The following CMSS1 variants were observed in gnomAD, a reference collection of about 807,000 sequenced individuals.
CMSS1 encodes the protein protein CMSS1.
In CMSS1, 33 loss-of-function variants were observed where a neutral mutation model predicts 43.5. The ratio of observed to expected loss-of-function variants is 0.76; its 90% CI spans 0.57 to 1.01. The LOEUF is 1.01. Ranked by LOEUF, CMSS1 falls within the 50% of genes least tolerant of loss-of-function variation. CMSS1 has a pLI of 0.00. For synonymous variants in CMSS1, 115 were observed against 117.2 expected (o/e 0.98, Z 0.12); for missense variants, 313 against 326.4 (o/e 0.96, Z 0.32).
intron 1 of CMSS1, among the ~76,000 whole-genome samples, chr3:99,998,591 G>C (rs1383173779): frequency 2.0e-5 from 3 of 152,146 alleles, no homozygotes; most frequent in Admixed American, 1.3e-4. Context: ...TCAAAACTTA[G>C]TCTTTCCAGC....
intron 1 of CMSS1, among the ~76,000 whole-genome samples, chr3:100,096,450 T>C (rs2066209991): frequency 6.6e-6 from 1 of 152,204 alleles, no homozygotes; most frequent in African/African-American, 2.4e-5. Flanking sequence ...TGAGATCCTG[T>C]CATTTACAAC....
At chr3:100,111,678 A>G (rs958789550) in intron 1 of CMSS1, among the ~76,000 whole-genome samples, 29 of 152,300 alleles carry the variant, frequency 1.9e-4, no homozygotes, top group Non-Finnish European at 2.2e-4. Flanking sequence ...CTAGACTTCT[A>G]AGAGGCTATA....
chr3:100,167,727 C>CT lies in CMSS1; in HGVS notation c.416-5dup. ...ATATTTCAAATAATTGTTTTCTGTT[C>CT]TTTTTTCCAGTTTGTCCTAAGTGGG... On this transcript the variant is annotated splice_polypyrimidine_tract_variant and intron_variant, in intron 5 of 9. Transcript: ENST00000421999. The CT allele has an allele frequency of 6.3e-7, 1 of 1,582,612 alleles. No homozygotes were observed. Among genetic ancestry groups the CT allele is most frequent in the Non-Finnish European group, 8.6e-7 (1 of 1,158,020 alleles).
At chr3:100,004,731 G>T (rs1474893119) in intron 1 of CMSS1, among the ~76,000 whole-genome samples, 1 of 152,152 alleles carries the variant, frequency 6.6e-6, no homozygotes, top group Non-Finnish European at 1.5e-5. Flanking sequence ...ATACCTAAAA[G>T]GTAGGATTGG....
chr3:99,960,610 T>C (rs900180533), intron 1 of CMSS1, among the ~76,000 whole-genome samples: 2 of 152,196 alleles, frequency 1.3e-5, no homozygotes, highest in Non-Finnish European at 2.9e-5. Context: ...CTACAGTCTT[T>C]TTACCTGCTT....
At chr3:99,968,510 G>C (rs1019920652) in intron 1 of CMSS1, among the ~76,000 whole-genome samples, 21 of 152,068 alleles carry the variant, frequency 1.4e-4, no homozygotes, top group Admixed American at 8.5e-4. Context: ...CATGGAAGGT[G>C]ATGGGAGGTA....
At chr3:99,879,099 A>T (rs1296645155) in intron 1 of CMSS1, among the ~76,000 whole-genome samples, 1 of 152,208 alleles carries the variant, frequency 6.6e-6, no homozygotes, top group Non-Finnish European at 1.5e-5. Flanking sequence ...AAATAAGCAT[A>T]CCTAGACACC....
At chr3:100,001,842 T>C (rs777046717) in intron 1 of CMSS1, among the ~76,000 whole-genome samples, 1 of 152,234 alleles carries the variant, frequency 6.6e-6, no homozygotes, top group Non-Finnish European at 1.5e-5. Context: ...TGTTGAATGC[T>C]GCACCAGGTG....
chr3:99,948,817 A>G (rs1487666155), intron 1 of CMSS1, among the ~76,000 whole-genome samples: 1 of 152,182 alleles, frequency 6.6e-6, no homozygotes, highest in African/African-American at 2.4e-5. Flanking sequence ...GAGCCTCAGA[A>G]TCATAAGACA....
intron 1 of CMSS1, among the ~76,000 whole-genome samples, chr3:99,953,818 G>T (rs1708245886): frequency 6.6e-6 from 1 of 152,152 alleles, no homozygotes; most frequent in Non-Finnish European, 1.5e-5. Flanking sequence ...TTATTCAGTT[G>T]TGCCCTTTCA....
intron 1 of CMSS1, among the ~76,000 whole-genome samples, chr3:99,947,792 C>G (rs1708054213): frequency 6.6e-6 from 1 of 152,156 alleles, no homozygotes; most frequent in African/African-American, 2.4e-5. Flanking sequence ...TACTACCTTT[C>G]TAGGCCCTGA....
chr3:99,822,810 T>C (rs551854341), intron 1 of CMSS1, among the ~76,000 whole-genome samples: 1 of 152,326 alleles, frequency 6.6e-6, no homozygotes, highest in South Asian at 2.1e-4. Context: ...TGCCAGATGC[T>C]GTTTTGATTG....
Position 100,169,486 on chromosome 3 carries a change from G to C in CMSS1, c.518+1646G>C, listed in dbSNP as rs569951325. 6.6e-5 allele frequency among the ~76,000 whole-genome samples: 10 copies of C among 152,326 alleles called. 1 individual carries two copies. In the East Asian group the frequency reaches 9.6e-4, roughly 15 times the overall value. On this transcript the variant is annotated intron_variant, in intron 6 of 9. Transcript: ENST00000421999. Reference sequence around the variant, plus strand: ...TCAAATAGACTAAGGTGCAAATCTAGATATTCAATAGTTATTTACATCTGT... The same window carrying C: ...TCAAATAGACTAAGGTGCAAATCTACATATTCAATAGTTATTTACATCTGT...
At chr3:99,900,736 G>C (rs1484420693) in intron 1 of CMSS1, among the ~76,000 whole-genome samples, 1 of 152,222 alleles carries the variant, frequency 6.6e-6, no homozygotes, top group African/African-American at 2.4e-5. Flanking sequence ...AAACTGAGCT[G>C]CACGTTGGAA....
At position 100,062,093 on chromosome 3, in the gene CMSS1, C is replaced by CTTTTTTTTTTTTT. The variant is rs71907944; in HGVS notation, c.65-84856_65-84844dup. Among the ~76,000 whole-genome samples, 60 of 53,178 alleles carry CTTTTTTTTTTTTT rather than the reference C, an allele frequency of 1.1e-3. 16 individuals carry two copies. The highest frequency in any genetic ancestry group is 2.1e-3 in the African/African-American group (24 of 11,244). The allele number at this position is 53,178 out of a possible 152,430, so 34.9% of individuals were successfully genotyped here. ...CCACTTGTGGTTATCCTGTCTTCTT[C>CTTTTTTTTTTTTT]TTTTTTTTTTTTTTTTTTTTTTTTT... On this transcript the variant is annotated intron_variant, in intron 1 of 9. Transcript: ENST00000421999.
rs2067184492 is a variant in CMSS1, at chr3:100,181,528, T to G, written c.*3140T>G. 1 of 152,248 alleles carries G rather than the reference T, an allele frequency of 6.6e-6. No homozygotes were observed. Among genetic ancestry groups the G allele is most frequent in the South Asian group, 2.1e-4 (1 of 4,832 alleles). The allele number at this position is 152,248 out of a possible 1,614,324, so 9.4% of individuals were successfully genotyped here. A position where few individuals can be genotyped will look rare whatever the true frequency, so the allele number is the denominator to read the frequency against. ...GTCCTTGTTCTATTCCAGGATTCAC[T>G]GCAGGATCCCACATTGCACTTACTT... On this transcript the variant is annotated 3_prime_UTR_variant, in exon 10 of 10. Transcript: ENST00000421999.
chr3:100,162,158 C>T (rs911170597), intron 3 of CMSS1, 145 bp from the exon 4 acceptor site: 4 of 575,886 alleles, frequency 6.9e-6, no homozygotes, highest in Non-Finnish European at 1.2e-5. Flanking sequence ...AGTGAATTTT[C>T]TCAAATGTAT....
intron 1 of CMSS1, among the ~76,000 whole-genome samples, chr3:99,840,958 T>A (rs555926079): frequency 6.6e-6 from 1 of 152,354 alleles, no homozygotes; most frequent in East Asian, 1.9e-4. Flanking sequence ...TCCCACTTGA[T>A]TAAATGTTGT....
At chr3:99,955,985 T>C (rs1167744429) in intron 1 of CMSS1, among the ~76,000 whole-genome samples, 1 of 152,222 alleles carries the variant, frequency 6.6e-6, no homozygotes, top group Non-Finnish European at 1.5e-5. Flanking sequence ...GGACTTGACC[T>C]TGGAGTCCTT....
Sources: gnomAD v4.1 joint callset for allele counts (sites outside exome capture counted in the v4.1 genomes callset) on GRCh38, gnomAD v4.1.1 for gene constraint, MANE v1.5 for transcripts, NCBI Gene and HGNC (gene_info 2026-07-23, HGNC 2026-07-21) for gene names.